Variants in POLH observed in about 807,000 individuals in gnomAD.
The protein encoded by POLH is DNA polymerase eta.
In POLH, 53 loss-of-function variants were observed where a neutral mutation model predicts 73.6. The observed-to-expected ratio is 0.72, with a 90% confidence interval of 0.58 to 0.91. The LOEUF (loss-of-function observed/expected upper bound fraction) is 0.91, where lower values mean the gene tolerates loss of function less well. Ranked by LOEUF, POLH falls within the 40% of genes least tolerant of loss-of-function variation. The pLI is 0.00. For synonymous variants in POLH, 292 were observed against 308.5 expected, an observed-to-expected ratio of 0.95 and a Z score of 0.56; for missense variants, 768 against 865.4, an observed-to-expected ratio of 0.89 and a Z score of 1.41.
chr6:43,597,785 G>A lies in POLH; in HGVS notation c.580G>A (p.Ala194Thr). ...TCCAGACCTGCAGCTCACCGTGGGA[G>A]CAGTGATTGTGGAGGAAATGAGAGC... is the stretch of plus-strand genomic sequence containing the variant. ...TSPDLQLTVG[A>T]VIVEEMRAAI... Residue 194 changes from alanine (A) to threonine (T), a missense_variant, in exon 5 of 11, where the codon GCA (alanine) becomes ACA (threonine). Physicochemically the swap from Ala to Thr is moderately conservative, Grantham distance 58 (BLOSUM62 0). Coordinates refer to ENST00000372236, the MANE Select transcript of POLH (RefSeq NM_006502.3). The A allele has an allele frequency of 1.2e-6, 2 of 1,613,600 alleles. No individual in the cohort carries two copies. Among genetic ancestry groups the A allele is most frequent in the South Asian group, 1.1e-5 (1 of 91,074 alleles).
At chr6:43,602,995 C>CG in intron 6 of POLH, among the ~76,000 whole-genome samples, 1 of 114,022 alleles carries the variant, frequency 8.8e-6, no homozygotes, top group African/African-American at 3.9e-5. Flanking sequence ...TTATGTATTC[C>CG]TTTTTTTTTT....
In POLH at chr6:43,587,318, G is replaced by C. The variant is rs370592983; in HGVS notation, c.319G>C (p.Ala107Pro). ...VEVMEIMSRFAVIERASIDEA... is the reference protein window; with the variant it reads ...VEVMEIMSRFPVIERASIDEA... ...AGTGATGGAGATAATGTCTCGTTTT[G>C]CTGTGATTGAACGTGCCAGCATTGA... is the stretch of plus-strand genomic sequence containing the variant. Residue 107 changes from alanine (A) to proline (P), a missense_variant, in exon 4 of 11, where the codon GCT (alanine) becomes CCT (proline). By Grantham distance (27) the Ala-to-Pro change is conservative. Coordinates refer to ENST00000372236, the MANE Select transcript of POLH (RefSeq NM_006502.3). The C allele has an allele frequency of 1.2e-6, 2 of 1,614,032 alleles. No individual in the cohort carries two copies. The highest frequency in any genetic ancestry group is 2.7e-5 in the African/African-American group (2 of 74,940).
chr6:43,596,207 G>A (rs1766032910), intron 4 of POLH, among the ~76,000 whole-genome samples: 1 of 152,208 alleles, frequency 6.6e-6, no homozygotes, highest in Non-Finnish European at 1.5e-5. Flanking sequence ...GAGCTTGCCA[G>A]GCGCGGTGGC....
In POLH at chr6:43,579,594, G is replaced by A. The variant is rs1368003684; in HGVS notation, c.-4-2722G>A. ...TTACCTGAGTTCTGTGAGCCACTCT[G>A]GCAAATTAACTGAACCCAAAGAGGG... is the stretch of plus-strand genomic sequence containing the variant. On this transcript the variant is annotated intron_variant, in intron 1 of 10. Transcript: ENST00000372236. Among the ~76,000 whole-genome samples the A allele has an allele frequency of 2.0e-5, 3 of 152,142 alleles. No individual in the cohort carries two copies. In the East Asian group the frequency reaches 5.8e-4, roughly 29 times the overall value.
At chr6:43,578,381 C>CT (rs1280156350) in intron 1 of POLH, 8 of 434,058 alleles carry the variant, frequency 1.8e-5, no homozygotes, top group African/African-American at 1.2e-4. Context: ...GAACGAAACT[C>CT]TAACTCAAAA....
At chr6:43,580,888 A>AG (rs1339218359) in intron 1 of POLH, among the ~76,000 whole-genome samples, 1 of 126,200 alleles carries the variant, frequency 7.9e-6, no homozygotes, top group Non-Finnish European at 1.6e-5. Context: ...GGCCGGGCGG[A>AG]GGGCTGACCC....
At position 43,620,260 on chromosome 6, in the gene POLH, G is replaced by A. The variant is rs1371230047; in HGVS notation, c.*5703G>A. 1.9e-6 allele frequency: 1 copy of A among 516,794 alleles called. No individual in the cohort carries two copies. The highest frequency in any genetic ancestry group is 1.9e-5 in the African/African-American group (1 of 51,808). 32.0% of individuals were successfully genotyped at this position (516,794 alleles called of 1,614,324 possible). A position where few individuals can be genotyped will look rare whatever the true frequency, so the allele number is the denominator to read the frequency against. On this transcript the variant is annotated 3_prime_UTR_variant, in exon 11 of 11. Transcript: ENST00000372236. The stretch of plus-strand genomic sequence containing the variant: ...GGGTAGCTACCTATTTCACGTGAAA[G>A]GCCTCAGTATTCTGCTCACTTGAAC...
rs748478686 is a variant in POLH at position 43,614,350 on chromosome 6, G to A, written c.1935G>A (p.Trp645Ter). 6.2e-7 allele frequency: 1 copy of A among 1,612,088 alleles called. No individual in the cohort carries two copies. The highest frequency in any genetic ancestry group is 1.3e-5 in the African/African-American group (1 of 74,872). ...AGTGTGGCTCCCTGGTACCGGTATG[G>A]GATATGCCAGAACACATGGACTATC... The part of the protein sequence containing the change: ...CEKCGSLVPV[W>*]DMPEHMDYHF... Residue 645 changes from tryptophan to a stop codon, truncating the protein, a stop_gained, in exon 11 of 11, where the codon TGG becomes TGA. Transcript: ENST00000372236. LOFTEE classifies it high-confidence loss of function.
chr6:43,592,404 C>CTTTTTT (rs897203358), intron 4 of POLH, among the ~76,000 whole-genome samples: 2 of 131,818 alleles, frequency 1.5e-5, no homozygotes, highest in African/African-American at 2.9e-5. Context: ...TTTGTATCTT[C>CTTTTTT]TTTTTTTTTT....
chr6:43,612,804 T>TA (rs1768039654), intron 10 of POLH, among the ~76,000 whole-genome samples: 2 of 150,572 alleles, frequency 1.3e-5, no homozygotes. Flanking sequence ...TTTCTGATTT[T>TA]TTTTTTTTTT....
intron 1 of POLH, among the ~76,000 whole-genome samples, chr6:43,581,789 C>T (rs1764286462): frequency 1.3e-5 from 2 of 150,494 alleles, no homozygotes; most frequent in East Asian, 1.9e-4. Context: ...CGGGCCGCAG[C>T]GCAGCCGCGC....
At chr6:43,578,033 A>C (rs1429929071) in intron 1 of POLH, among the ~76,000 whole-genome samples, 1 of 150,510 alleles carries the variant, frequency 6.6e-6, no homozygotes, top group Non-Finnish European at 1.5e-5. Context: ...GTGAGCTGAG[A>C]TCTCACCACT....
chr6:43,581,671 C>CG (rs1764246474), intron 1 of POLH, among the ~76,000 whole-genome samples: 1 of 144,130 alleles, frequency 6.9e-6, no homozygotes, highest in African/African-American at 2.8e-5. Flanking sequence ...ATCCTCCCGG[C>CG]GGTCGGGCGG....
chr6:43,613,575 CAG>C, intron 10 of POLH, 83 bp from the exon 11 acceptor site: 1 of 1,123,612 alleles, frequency 8.9e-7, no homozygotes, highest in Non-Finnish European at 1.3e-6. Flanking sequence ...TGAAATAAAA[CAG>C]ATACAATTCA....
chr6:43,596,121 A>G (rs982656052), intron 4 of POLH, among the ~76,000 whole-genome samples: 11 of 152,332 alleles, frequency 7.2e-5, no homozygotes, highest in African/African-American at 2.6e-4. Flanking sequence ...AGGACTTCAT[A>G]ATAGATAAAC....
chr6:43,619,041 CA>C lies in POLH; in HGVS notation c.*4489del, dbSNP rs1432390138. ...AGATTTACCAGGAAATTTTTTTCTT[CA>C]AAAATATTTTCTGCTTTTATGATAC... On this transcript the variant is annotated 3_prime_UTR_variant, in exon 11 of 11. Coordinates refer to ENST00000372236, the MANE Select transcript of POLH (RefSeq NM_006502.3). Among the ~76,000 whole-genome samples the C allele has an allele frequency of 1.3e-5, 2 of 151,094 alleles. No individual in the cohort carries two copies. Among genetic ancestry groups the C allele is most frequent in the African/African-American group, 4.9e-5 (2 of 41,028 alleles).
intron 1 of POLH, among the ~76,000 whole-genome samples, chr6:43,581,661 A>G (rs1764241331): frequency 8.5e-6 from 1 of 117,424 alleles, no homozygotes. Flanking sequence ...GCTGAACTCC[A>G]TCCTCCCGGC....
rs1228079930 is a variant in POLH at position 43,619,742 on chromosome 6, C to CT, written c.*5186dup. 6.6e-6 allele frequency among the ~76,000 whole-genome samples: 1 copy of CT among 152,344 alleles called. No individual in the cohort carries two copies. Among genetic ancestry groups the CT allele is most frequent in the Admixed American group, 6.5e-5 (1 of 15,300 alleles). ...TAAATTGTGGACAAAGCTTTCATCT[C>CT]TATCAGCAGCTATAGAGAGGAAGTA... On this transcript the variant is annotated 3_prime_UTR_variant, in exon 11 of 11. Coordinates refer to ENST00000372236, the MANE Select transcript of POLH (RefSeq NM_006502.3).
rs747834463 is a variant in POLH, at chr6:43,613,661, TCTC to T, written c.1253_1255del (p.Pro418del). On this transcript the variant is annotated inframe_deletion and splice_region_variant, in exon 11 of 11. Transcript: ENST00000372236. ...CTTATTTCTTTACTTTCTGTATAGG[TCTC>T]CTCCTCTCACAATGCTTTTCCTCTG... The T allele has an allele frequency of 3.3e-4, 527 of 1,612,448 alleles. No individual in the cohort carries two copies. Among genetic ancestry groups the T allele is most frequent in the Non-Finnish European group, 2.8e-4 (335 of 1,178,760 alleles).
Sources: gnomAD v4.1 joint callset for allele counts (sites outside exome capture counted in the v4.1 genomes callset) on GRCh38, gnomAD v4.1.1 for gene constraint, MANE v1.5 for transcripts, NCBI Gene and HGNC (gene_info 2026-07-23, HGNC 2026-07-21) for gene names.